The following DYTN variants were observed in gnomAD, a reference collection of about 807,000 sequenced individuals.
The protein encoded by DYTN is dystrotelin.
In DYTN, 75 loss-of-function variants were observed where a neutral mutation model predicts 69.6. That is an observed-to-expected ratio of 1.08 (90% CI 0.89 to 1.31). DYTN has a LOEUF of 1.31. Ranked by LOEUF, DYTN falls within the 50% of genes most tolerant of loss-of-function variation. DYTN has a pLI of 0.00. For missense variants in DYTN, 726 were observed against 688.4 expected (o/e 1.05, Z -0.61); for synonymous variants, 252 against 249.1 (o/e 1.01, Z -0.11).
intron 9 of DYTN, among the ~76,000 whole-genome samples, chr2:206,672,909 T>C (rs142530500): frequency 1.4e-3 from 210 of 152,392 alleles, no homozygotes; most frequent in African/African-American, 4.8e-3. Context: ...TCCCCCATCT[T>C]ATTTTTCTTT....
intron 9 of DYTN, among the ~76,000 whole-genome samples, chr2:206,685,317 A>C (rs1244816830): frequency 6.6e-6 from 1 of 151,804 alleles, no homozygotes. Context: ...GTGCACCACC[A>C]CGCCCAGATA....
chr2:206,716,657 A>C (rs1445938985), intron 1 of DYTN, among the ~76,000 whole-genome samples: 2 of 138,962 alleles, frequency 1.4e-5, no homozygotes, highest in African/African-American at 6.8e-5. Flanking sequence ...TGTTTGGAGA[A>C]AAAAAAAATT....
chr2:206,675,240 T>C (rs1005274701), intron 9 of DYTN, among the ~76,000 whole-genome samples: 2 of 146,298 alleles, frequency 1.4e-5, no homozygotes, highest in African/African-American at 5.0e-5. Flanking sequence ...TATGTATATA[T>C]GTAAATAAAC....
At chr2:206,689,658 C>G (rs1699844882) in intron 9 of DYTN, among the ~76,000 whole-genome samples, 1 of 152,146 alleles carries the variant, frequency 6.6e-6, no homozygotes, top group Non-Finnish European at 1.5e-5. Flanking sequence ...GGTAAAGAAA[C>G]TGAGTCCTAG....
At chr2:206,714,219 T>C (rs1289798183) in intron 1 of DYTN, among the ~76,000 whole-genome samples, 1 of 152,244 alleles carries the variant, frequency 6.6e-6, no homozygotes, top group Non-Finnish European at 1.5e-5. Flanking sequence ...TTTTCTTTTT[T>C]GTTTTGAGAC....
chr2:206,704,329 C>T (rs892712550), intron 5 of DYTN, among the ~76,000 whole-genome samples: 1 of 152,152 alleles, frequency 6.6e-6, no homozygotes, highest in African/African-American at 2.4e-5. Flanking sequence ...AAAGGATAGG[C>T]AATGGCCTTG....
rs367901418 is a variant in DYTN, at chr2:206,663,334, T to C, written c.1202A>G (p.Asp401Gly). 7.4e-5 allele frequency: 120 copies of C among 1,613,106 alleles called. No homozygotes were observed. The highest frequency in any genetic ancestry group is 9.9e-5 in the Non-Finnish European group (117 of 1,179,672). Reference protein sequence around the residue: ...SSFQNVGNKVDHSSTEKVPKG... With the variant: ...SSFQNVGNKVGHSSTEKVPKG... ...TGGAACCTTTTCAGTTGAAGAATGG[T>C]CAACCTTGTTCCCCACATTTTGAAA... is the stretch of plus-strand genomic sequence containing the variant. Residue 401 changes from aspartate (D) to glycine (G), a missense_variant, in exon 11 of 12, where the codon GAC becomes GGC. Physicochemically the swap from Asp to Gly is moderately conservative, Grantham distance 94 (BLOSUM62 -1). Transcript: ENST00000452335.
intron 7 of DYTN, among the ~76,000 whole-genome samples, chr2:206,696,319 G>A (rs1412699965): frequency 6.6e-6 from 1 of 152,220 alleles, no homozygotes; most frequent in Non-Finnish European, 1.5e-5. Flanking sequence ...ACCTTGGAAA[G>A]CTTCTGAGGC....
At chr2:206,664,428 G>A (rs1471046497) in intron 10 of DYTN, among the ~76,000 whole-genome samples, 1 of 152,122 alleles carries the variant, frequency 6.6e-6, no homozygotes, top group Admixed American at 6.5e-5. Context: ...AGGTAGAGGT[G>A]GGAGGATTGC....
intron 9 of DYTN, among the ~76,000 whole-genome samples, chr2:206,668,366 T>A (rs1334435563): frequency 6.6e-6 from 1 of 152,158 alleles, no homozygotes; most frequent in Non-Finnish European, 1.5e-5. Context: ...AGTTCTTTTC[T>A]TCTTCTGCTT....
chr2:206,663,219 A>G lies in DYTN; in HGVS notation c.1317T>C (p.Ser439=), dbSNP rs770566265. The change falls in exon 11 of 12, where the codon AGT becomes AGC. Residue 439 remains serine, a synonymous_variant. Coordinates refer to ENST00000452335, the MANE Select transcript of DYTN (RefSeq NM_001093730.1). ...GCTCTGCATTTGTGTGACTTCTGTG[A>G]CTTCTGTCAACCTCATCAAGCTTAG... ...PLPKLDEVDR[S]HRSHTNAEHA... 1 of 1,613,922 alleles carries G rather than the reference A, an allele frequency of 6.2e-7. No individual in the cohort carries two copies.
chr2:206,665,191 GCTGT>G (rs1422888367), intron 10 of DYTN, among the ~76,000 whole-genome samples: 1 of 152,186 alleles, frequency 6.6e-6, no homozygotes, highest in Non-Finnish European at 1.5e-5. Context: ...CAAAAATTCA[GCTGT>G]CTTTTATTAA....
At chr2:206,669,292 G>T (rs1198907186) in intron 9 of DYTN, among the ~76,000 whole-genome samples, 1 of 152,058 alleles carries the variant, frequency 6.6e-6, no homozygotes, top group Non-Finnish European at 1.5e-5. Context: ...TTAAAATTTG[G>T]TCTTTATTAA....
chr2:206,666,148 C>G, intron 9 of DYTN, 119 bp from the exon 10 acceptor site: 1 of 1,348,022 alleles, frequency 7.4e-7, no homozygotes, highest in African/African-American at 1.5e-5. Flanking sequence ...AACCCTGTGT[C>G]TCAACTGTGT....
intron 1 of DYTN, among the ~76,000 whole-genome samples, chr2:206,712,004 G>A (rs1700082883): frequency 6.6e-6 from 1 of 151,972 alleles, no homozygotes; most frequent in South Asian, 2.1e-4. Context: ...TATCTTTAAT[G>A]TTATTCAATA....
At chr2:206,652,507 GT>G (rs907318801) in intron 11 of DYTN, among the ~76,000 whole-genome samples, 2 of 152,090 alleles carry the variant, frequency 1.3e-5, no homozygotes, top group African/African-American at 4.8e-5. Context: ...AAAGAGTTCT[GT>G]TTTTAGGAAT....
At position 206,663,070 on chromosome 2, in the gene DYTN, T is replaced by G. The variant is rs543256738; in HGVS notation, c.1466A>C (p.Gln489Pro). ...ALPSYQEGLK[Q>P]DIPKMVPAEM... ...AGCAGGAACCATTTTGGGGATGTCC[T>G]GCTTCAGTCCCTCCTGATAACTGGG... The change falls in exon 11 of 12, where the codon CAG (glutamine) becomes CCG (proline). Residue 489 changes from glutamine to proline, a missense_variant. Coordinates refer to ENST00000452335, the MANE Select transcript of DYTN (RefSeq NM_001093730.1). 1.2e-6 allele frequency: 2 copies of G among 1,613,976 alleles called. No individual in the cohort carries two copies. Among genetic ancestry groups the G allele is most frequent in the Admixed American group, 3.3e-5 (2 of 59,996 alleles).
At chr2:206,673,086 C>T (rs903254482) in intron 9 of DYTN, among the ~76,000 whole-genome samples, 4 of 152,184 alleles carry the variant, frequency 2.6e-5, no homozygotes, top group African/African-American at 9.7e-5. Flanking sequence ...TCCTCCCACC[C>T]TCTGCCCTCC....
Position 206,704,849 on chromosome 2 carries a change from T to C in DYTN, c.477A>G (p.Leu159=), listed in dbSNP as rs780940766. 1.5e-5 allele frequency: 25 copies of C among 1,613,158 alleles called. 1 individual carries two copies. In the South Asian group the frequency reaches 2.3e-4, roughly 15 times the overall value. ...TTAAGTATTAGGAATTTACCTGCTG[T>C]AGATCTGTTAGTAGTTTTCTCAAAA... The part of the protein sequence containing the change: ...RRVLRKLLTD[L]QQIPTFVGES... Residue 159 remains leucine (L), a synonymous_variant, in exon 5 of 12, where the codon CTA becomes CTG. Transcript: ENST00000452335.
Sources: gnomAD v4.1 joint callset for allele counts (sites outside exome capture counted in the v4.1 genomes callset) on GRCh38, gnomAD v4.1.1 for gene constraint, MANE v1.5 for transcripts, NCBI Gene and HGNC (gene_info 2026-07-23, HGNC 2026-07-21) for gene names.